The following OR5B2 variants were observed in gnomAD, a reference collection of about 807,000 sequenced individuals.
The protein encoded by OR5B2 is olfactory receptor family 5 subfamily B member 2.
For missense variants in OR5B2, 411 were observed against 367.0 expected, an observed-to-expected ratio of 1.12 and a Z score of -0.98; for synonymous variants, 163 against 140.8, an observed-to-expected ratio of 1.16 and a Z score of -1.11.
In OR5B2 at chr11:58,422,990, G is replaced by T. The variant is rs150016538; in HGVS notation, c.272C>A (p.Ser91Tyr). Residue 91 changes from serine to tyrosine, a missense_variant, in exon 3 of 3, where the codon TCC (serine) becomes TAC (tyrosine). Coordinates refer to ENST00000641342, the MANE Select transcript of OR5B2 (RefSeq NM_001005566.3). ...AGFLRGDKVI[S>Y]YNACAVQMFF... ...CATCTGAACAGCACATGCATTGTAG[G>T]AGATGACCTTGTCTCCTCTAAGGAA... The T allele has an allele frequency of 6.2e-7, 1 of 1,613,690 alleles. No individual in the cohort carries two copies. The highest frequency in any genetic ancestry group is 1.3e-5 in the African/African-American group (1 of 74,866).
At position 58,424,736 on chromosome 11, in the gene OR5B2, A is replaced by T. The variant is rs375053725; in HGVS notation, c.-28-1447T>A. Among the ~76,000 whole-genome samples, 21 of 152,260 alleles carry T rather than the reference A, an allele frequency of 1.4e-4. No individual in the cohort carries two copies. The East Asian group carries it at 3.7e-3, about 27-fold the overall frequency. On this transcript the variant is annotated intron_variant, in intron 2 of 2. Coordinates refer to ENST00000641342, the MANE Select transcript of OR5B2 (RefSeq NM_001005566.3). The stretch of plus-strand genomic sequence containing the variant: ...AACTACTATTCATCTGCTAACTACT[A>T]CTGCCTACTGTCTTTCCACACTGCA...
rs898552075 is a variant in OR5B2, at chr11:58,426,622, C to T, written c.-29G>A. On this transcript the variant is annotated splice_region_variant and 5_prime_UTR_variant, in exon 2 of 3. Transcript: ENST00000641342. ...CCGTAGAACAGAGCTAGAAACTTACCTTGCTCTTCAAGGAAGATGACACAC... is the reference window on the plus strand; with the variant it reads ...CCGTAGAACAGAGCTAGAAACTTACTTTGCTCTTCAAGGAAGATGACACAC... 18 of 152,094 alleles carry T rather than the reference C, an allele frequency of 1.2e-4. No homozygotes were observed. Among genetic ancestry groups the T allele is most frequent in the Non-Finnish European group, 2.6e-4 (18 of 68,000 alleles). 9.4% of individuals were successfully genotyped at this position (152,094 alleles called of 1,614,324 possible).
rs1337830276 is a variant in OR5B2, at chr11:58,422,383, T to C, written c.879A>G (p.Arg293=). The C allele has an allele frequency of 5.6e-6, 9 of 1,613,554 alleles. No homozygotes were observed. Among genetic ancestry groups the C allele is most frequent in the Non-Finnish European group, 6.8e-6 (8 of 1,179,694 alleles). Residue 293 remains arginine, a synonymous_variant, in exon 3 of 3, where the codon AGA becomes AGG. Coordinates refer to ENST00000641342, the MANE Select transcript of OR5B2 (RefSeq NM_001005566.3). The stretch of plus-strand genomic sequence containing the variant: ...CTTTCTTGAATGCATTCTGGACTTC[T>C]CTGTTCCTCAGGCTGTAGACCACAG... ...LNPVVYSLRN[R]EVQNAFKKVL...
intron 2 of OR5B2, among the ~76,000 whole-genome samples, chr11:58,423,872 T>C (rs1314104496): frequency 6.6e-6 from 1 of 152,192 alleles, no homozygotes; most frequent in East Asian, 1.9e-4. Flanking sequence ...TTACAATTAC[T>C]CATTGTCTTT....
chr11:58,426,947 G>A (rs1488568388), intron 1 of OR5B2, among the ~76,000 whole-genome samples: 1 of 152,090 alleles, frequency 6.6e-6, no homozygotes, highest in Admixed American at 6.6e-5. Flanking sequence ...CTTATCCCTG[G>A]CCATTGTTGC....
chr11:58,424,829 A>G (rs1855319553), intron 2 of OR5B2, among the ~76,000 whole-genome samples: 1 of 152,130 alleles, frequency 6.6e-6, no homozygotes, highest in Non-Finnish European at 1.5e-5. Context: ...AGAATATACT[A>G]TGTTCTACAA....
Position 58,423,068 on chromosome 11 carries a change from G to A in OR5B2, c.194C>T (p.Ser65Phe). 6.2e-7 allele frequency: 1 copy of A among 1,613,720 alleles called. No homozygotes were observed. The highest frequency in any genetic ancestry group is 8.5e-7 in the Non-Finnish European group (1 of 1,179,792). ...TPMYFFLSNL[S>F]LVDFGYSSAV... ...TGAGGAGTATCCAAAGTCCACCAGAGACAGGTTACTGAGGAAAAAGTACAT... is the reference window on the plus strand; with the variant it reads ...TGAGGAGTATCCAAAGTCCACCAGAAACAGGTTACTGAGGAAAAAGTACAT... The change falls in exon 3 of 3, where the codon TCT becomes TTT. Residue 65 changes from serine to phenylalanine, a missense_variant. Coordinates refer to ENST00000641342, the MANE Select transcript of OR5B2 (RefSeq NM_001005566.3).
chr11:58,424,990 C>A (rs1486908788), intron 2 of OR5B2, among the ~76,000 whole-genome samples: 1 of 152,016 alleles, frequency 6.6e-6, no homozygotes, highest in African/African-American at 2.4e-5. Context: ...GGAGAACAGT[C>A]AAGATTCACA....
At chr11:58,425,326 T>C (rs1855324525) in intron 2 of OR5B2, among the ~76,000 whole-genome samples, 1 of 152,062 alleles carries the variant, frequency 6.6e-6, no homozygotes, top group South Asian at 2.1e-4. Flanking sequence ...AATGGAAGTT[T>C]TGACATCTCT....
intron 2 of OR5B2, among the ~76,000 whole-genome samples, chr11:58,424,143 T>C (rs1855313273): frequency 6.6e-6 from 1 of 152,168 alleles, no homozygotes; most frequent in African/African-American, 2.4e-5. Flanking sequence ...ATTAATGAGA[T>C]CAACCTCAAG....
At chr11:58,427,157 G>A (rs939857139) in intron 1 of OR5B2, among the ~76,000 whole-genome samples, 5 of 152,142 alleles carry the variant, frequency 3.3e-5, no homozygotes, top group African/African-American at 1.2e-4. Context: ...CGTACATAAA[G>A]TTCTCAGGGG....
At chr11:58,425,270 T>A (rs1428784979) in intron 2 of OR5B2, among the ~76,000 whole-genome samples, 1 of 152,048 alleles carries the variant, frequency 6.6e-6, no homozygotes, top group Non-Finnish European at 1.5e-5. Context: ...ATCTATCTCA[T>A]TTTTTTCATC....
rs527447837 is a variant in OR5B2 at position 58,422,244 on chromosome 11, G to A, written c.*88C>T. The A allele has an allele frequency of 3.4e-5, 25 of 732,050 alleles. No homozygotes were observed. The East Asian group carries it at 5.9e-4, about 17-fold the overall frequency. 45.3% of individuals were successfully genotyped at this position (732,050 alleles called of 1,614,324 possible). Reference sequence around the variant, plus strand: ...ACCTCATGAACTTAAATGTATTGTGGGGTTTCAAATGTAACTCATTGCATG... The same window carrying A: ...ACCTCATGAACTTAAATGTATTGTGAGGTTTCAAATGTAACTCATTGCATG... On this transcript the variant is annotated 3_prime_UTR_variant, in exon 3 of 3. Transcript: ENST00000641342.
intron 2 of OR5B2, 134 bp downstream of exon 2, chr11:58,426,488 A>G (rs1164430980): frequency 6.6e-6 from 1 of 152,168 alleles, no homozygotes; most frequent in African/African-American, 2.4e-5. Context: ...ATAGCGTGAT[A>G]GCATGAAAAT....
chr11:58,422,287 G>T lies in OR5B2; in HGVS notation c.*45C>A. ...ATTGCATGAGGAAAGTCTGAGATGA[G>T]GGAAACAACATTTTTGTGTATACAA... is the stretch of plus-strand genomic sequence containing the variant. On this transcript the variant is annotated 3_prime_UTR_variant, in exon 3 of 3. Transcript: ENST00000641342. 1 of 1,261,456 alleles carries T rather than the reference G, an allele frequency of 7.9e-7. No individual in the cohort carries two copies. The highest frequency in any genetic ancestry group is 1.1e-6 in the Non-Finnish European group (1 of 881,032). The allele number at this position is 1,261,456 out of a possible 1,614,324, so 78.1% of individuals were successfully genotyped here. A position where few individuals can be genotyped will look rare whatever the true frequency, so the allele number is the denominator to read the frequency against.
intron 2 of OR5B2, among the ~76,000 whole-genome samples, chr11:58,426,085 G>C (rs553627604): frequency 6.6e-6 from 1 of 152,000 alleles, no homozygotes; most frequent in Non-Finnish European, 1.5e-5. Context: ...TTCTCTCATT[G>C]CCTCAACAAG....
intron 1 of OR5B2, among the ~76,000 whole-genome samples, chr11:58,426,967 G>A (rs1227357595): frequency 2.0e-5 from 3 of 152,070 alleles, no homozygotes; most frequent in Admixed American, 6.6e-5. Flanking sequence ...CAGACTCAGA[G>A]TAATATACCA....
chr11:58,427,050 A>T (rs1332145818), intron 1 of OR5B2, among the ~76,000 whole-genome samples: 1 of 152,144 alleles, frequency 6.6e-6, no homozygotes, highest in Admixed American at 6.6e-5. Context: ...CCAAAAGGTG[A>T]CACACAGGGT....
chr11:58,425,974 G>A (rs1354153022), intron 2 of OR5B2, among the ~76,000 whole-genome samples: 2 of 152,060 alleles, frequency 1.3e-5, no homozygotes, highest in South Asian at 4.1e-4. Context: ...GCAAAGTTAG[G>A]CATGAGACTG....
Sources: gnomAD v4.1 joint callset for allele counts (sites outside exome capture counted in the v4.1 genomes callset) on GRCh38, gnomAD v4.1.1 for gene constraint, MANE v1.5 for transcripts, NCBI Gene and HGNC (gene_info 2026-07-23, HGNC 2026-07-21) for gene names.